Variants in ZNF682 observed in about 807,000 individuals in gnomAD.
ZNF682 encodes zinc finger protein 682.
In ZNF682, 29 loss-of-function variants were observed where a neutral mutation model predicts 36.5. The observed-to-expected ratio is 0.80, with a 90% CI of 0.59 to 1.08. ZNF682 has a LOEUF of 1.08. ZNF682 is among the 50% of genes least tolerant of loss of function. ZNF682 has a pLI of 0.00. For synonymous variants in ZNF682, 180 were observed against 197.0 expected (o/e 0.91, Z 0.72); for missense variants, 561 against 579.7 (o/e 0.97, Z 0.33).
In ZNF682 at chr19:20,005,913, A is replaced by T; in HGVS notation, c.*92T>A. 8.3e-7 allele frequency: 1 copy of T among 1,206,060 alleles called. No individual in the cohort carries two copies. The highest frequency in any genetic ancestry group is 1.2e-6 in the Non-Finnish European group (1 of 858,552). 74.7% of individuals were successfully genotyped at this position (1,206,060 alleles called of 1,614,324 possible). On this transcript the variant is annotated 3_prime_UTR_variant, in exon 4 of 4. Coordinates refer to ENST00000397165, the MANE Select transcript of ZNF682 (RefSeq NM_033196.3). ...CACATTTGTAGTGTTTCTCTCCAGT[A>T]TGAATTATCTTGTGATTTCAATGCC...
intron 1 of ZNF682, 61 bp downstream of exon 1, chr19:20,039,282 G>C (rs1445714278): frequency 1.9e-6 from 3 of 1,603,972 alleles, no homozygotes; most frequent in Non-Finnish European, 2.5e-6. Flanking sequence ...GTCACTGCCG[G>C]TTCCGGCCGG....
chr19:20,032,526 G>C (rs2088488129), intron 1 of ZNF682, among the ~76,000 whole-genome samples: 1 of 152,168 alleles, frequency 6.6e-6, no homozygotes, highest in Admixed American at 6.5e-5. Flanking sequence ...GTTGTGACTT[G>C]AAGCCCAAGA....
chr19:20,031,730 C>T (rs893136923), intron 1 of ZNF682, among the ~76,000 whole-genome samples: 1 of 152,140 alleles, frequency 6.6e-6, no homozygotes, highest in Admixed American at 6.5e-5. Context: ...ATCACGAGGT[C>T]AGGAGATCAA....
chr19:20,031,935 T>C (rs955193750), intron 1 of ZNF682, among the ~76,000 whole-genome samples: 9 of 152,142 alleles, frequency 5.9e-5, no homozygotes, highest in African/African-American at 1.4e-4. Context: ...AGGAATAACA[T>C]TGATTAGTGA....
Position 20,006,416 on chromosome 19 carries a change from A to G in ZNF682, c.1086T>C (p.Ile362=). Residue 362 remains isoleucine, a synonymous_variant, in exon 4 of 4, where the codon ATT becomes ATC. Transcript: ENST00000397165. ...ATTTGTAGGGTTTCTCTCCGCTATGAATTACCTTATGTTCAGTAAGAATTG... is the reference window on the plus strand; with the variant it reads ...ATTTGTAGGGTTTCTCTCCGCTATGGATTACCTTATGTTCAGTAAGAATTG... ...SSSILTEHKV[I]HSGEKPYKCE... 1 of 1,613,538 alleles carries G rather than the reference A, an allele frequency of 6.2e-7. No homozygotes were observed. The highest frequency in any genetic ancestry group is 8.5e-7 in the Non-Finnish European group (1 of 1,179,880).
intron 1 of ZNF682, among the ~76,000 whole-genome samples, chr19:20,027,426 T>G (rs1250427714): frequency 6.6e-6 from 1 of 152,162 alleles, no homozygotes; most frequent in Non-Finnish European, 1.5e-5. Context: ...CCTGCTCCCA[T>G]GAAAACCAAG....
chr19:20,017,011 T>C, intron 3 of ZNF682, among the ~76,000 whole-genome samples: 1 of 152,134 alleles, frequency 6.6e-6, no homozygotes, highest in Non-Finnish European at 1.5e-5. Flanking sequence ...AAGCATATTG[T>C]TATGTTTCAT....
At chr19:20,007,940 T>A (rs2088243381) in intron 3 of ZNF682, 1 of 152,512 alleles carries the variant, frequency 6.6e-6, no homozygotes, top group African/African-American at 2.4e-5. Context: ...GAGGTGAATC[T>A]GATCCATGCA....
intron 1 of ZNF682, 73 bp downstream of exon 1, chr19:20,039,270 C>T (rs1038408921): frequency 1.3e-6 from 2 of 1,597,312 alleles, no homozygotes; most frequent in Non-Finnish European, 1.7e-6. Flanking sequence ...GGCCCCAGTC[C>T]CGTCACTGCC....
chr19:19,996,919 G>A (rs2088131749), downstream of ZNF682: 1 of 277,026 alleles, frequency 3.6e-6, no homozygotes, highest in African/African-American at 2.2e-5. Flanking sequence ...ATAATAGAAA[G>A]CCCTGTGCTC....
chr19:20,012,663 G>C (rs533776473), intron 3 of ZNF682, among the ~76,000 whole-genome samples: 1 of 151,592 alleles, frequency 6.6e-6, no homozygotes, highest in East Asian at 1.9e-4. Context: ...AGCTGCTCGG[G>C]AGGCTGAGGC....
intron 1 of ZNF682, among the ~76,000 whole-genome samples, chr19:20,025,339 T>C (rs889683975): frequency 6.6e-6 from 1 of 152,190 alleles, no homozygotes; most frequent in East Asian, 1.9e-4. Flanking sequence ...AACTTTATAA[T>C]TAAAAAAAAT....
chr19:20,015,496 T>C (rs1355764623), intron 3 of ZNF682: 1 of 858,642 alleles, frequency 1.2e-6, no homozygotes, highest in Non-Finnish European at 1.4e-6. Context: ...ATAATGAATG[T>C]CAAATGGCCT....
Position 20,039,326 on chromosome 19 carries a change from C to A in ZNF682, c.3+17G>T. The A allele has an allele frequency of 1.2e-6, 2 of 1,612,166 alleles. No individual in the cohort carries two copies. Among genetic ancestry groups the A allele is most frequent in the South Asian group, 1.1e-5 (1 of 91,078 alleles). ...AGCCCTGCCCCCACCTCGGGATGCGCGGCCTGGCACACTCACCATTTTTCG... is the reference window on the plus strand; with the variant it reads ...AGCCCTGCCCCCACCTCGGGATGCGAGGCCTGGCACACTCACCATTTTTCG... On this transcript the variant is annotated intron_variant, in intron 1 of 3. Transcript: ENST00000397165.
intron 3 of ZNF682, among the ~76,000 whole-genome samples, chr19:20,008,512 G>A (rs538129741): frequency 6.6e-6 from 1 of 152,184 alleles, no homozygotes; most frequent in South Asian, 2.1e-4. Context: ...CAATTGCCCT[G>A]CCTGGTGTTC....
rs1336743141 is a variant in ZNF682, at chr19:20,023,058, GCTC to G, written c.169_171del (p.Glu57del). 2.5e-6 allele frequency: 4 copies of G among 1,613,926 alleles called. No homozygotes were observed. Among genetic ancestry groups the G allele is most frequent in the Non-Finnish European group, 3.4e-6 (4 of 1,179,962 alleles). ...TTCACATTCCAGGGCTCCTGTCTTTGCTCCAGACGGCTAATCAGTTCTGGCTTA... is the reference window on the plus strand; with the variant it reads ...TTCACATTCCAGGGCTCCTGTCTTTGCAGACGGCTAATCAGTTCTGGCTTA... On this transcript the variant is annotated inframe_deletion, in exon 3 of 4. Coordinates refer to ENST00000397165, the MANE Select transcript of ZNF682 (RefSeq NM_033196.3).
At chr19:20,015,128 T>C (rs1022115318) in intron 3 of ZNF682, 13 of 895,354 alleles carry the variant, frequency 1.5e-5, no homozygotes, top group African/African-American at 1.8e-5. Flanking sequence ...CAATTAAAAA[T>C]AAACAATTAC....
At position 20,005,766 on chromosome 19, in the gene ZNF682, G is replaced by A. The variant is rs891260153; in HGVS notation, c.*239C>T. On this transcript the variant is annotated 3_prime_UTR_variant, in exon 4 of 4. Coordinates refer to ENST00000397165, the MANE Select transcript of ZNF682 (RefSeq NM_033196.3). ...TTATCTAGCACAAAACCTCTGATGA[G>A]TAAGTTCATAGTAGTTATTAAATGC... The A allele has an allele frequency of 4.0e-6, 2 of 500,036 alleles. No homozygotes were observed. The highest frequency in any genetic ancestry group is 1.9e-5 in the African/African-American group (1 of 52,154). 31.0% of individuals were successfully genotyped at this position (500,036 alleles called of 1,614,324 possible). A position where few individuals can be genotyped will look rare whatever the true frequency, so the allele number is the denominator to read the frequency against.
chr19:20,037,031 T>C (rs1209051808), intron 1 of ZNF682, among the ~76,000 whole-genome samples: 2 of 152,088 alleles, frequency 1.3e-5, no homozygotes, highest in Non-Finnish European at 2.9e-5. Context: ...ATTCTATCCT[T>C]CAGGAAAAGG....
Sources: gnomAD v4.1 joint callset for allele counts (sites outside exome capture counted in the v4.1 genomes callset) on GRCh38, gnomAD v4.1.1 for gene constraint, MANE v1.5 for transcripts, NCBI Gene and HGNC (gene_info 2026-07-23, HGNC 2026-07-21) for gene names.